The following USP14 variants were observed in gnomAD, a reference collection of about 807,000 sequenced individuals.
USP14 encodes ubiquitin carboxyl-terminal hydrolase 14.
In USP14, 38 loss-of-function variants were observed where a neutral mutation model predicts 76.5. The observed-to-expected ratio is 0.50, with a 90% confidence interval of 0.38 to 0.65. The LOEUF is 0.65. Ranked by LOEUF, USP14 falls within the 30% of genes least tolerant of loss-of-function variation. The probability of loss-of-function intolerance (pLI) is 0.00; values close to 1 mark genes in which losing one functional copy is unlikely to be tolerated. For missense variants in USP14, 467 were observed against 586.5 expected, an observed-to-expected ratio of 0.80 and a Z score of 2.10; for synonymous variants, 192 against 191.7, an observed-to-expected ratio of 1.00 and a Z score of -0.01.
intron 5 of USP14, among the ~76,000 whole-genome samples, chr18:186,638 A>G (rs1454719531): frequency 1.3e-5 from 2 of 151,666 alleles, no homozygotes; most frequent in African/African-American, 2.4e-5. Flanking sequence ...CTATAATCCC[A>G]GCTACTCGGG....
At chr18:164,303 A>G (rs1909206260) in intron 2 of USP14, among the ~76,000 whole-genome samples, 1 of 152,170 alleles carries the variant, frequency 6.6e-6, no homozygotes, top group Admixed American at 6.5e-5. Context: ...TGTTTTCTTA[A>G]AAAAACTACT....
intron 13 of USP14, 114 bp downstream of exon 13, chr18:204,806 A>T: frequency 8.7e-7 from 1 of 1,149,120 alleles, no homozygotes; most frequent in Non-Finnish European, 1.2e-6. Context: ...TATACTTTGT[A>T]TAGTATTATT....
chr18:171,019 AAAAAAAAT>A (rs1395629911), intron 3 of USP14, among the ~76,000 whole-genome samples: 7 of 75,254 alleles, frequency 9.3e-5, no homozygotes, highest in African/African-American at 3.2e-4. Flanking sequence ...TAAAAAAAAA[AAAAAAAAT>A]ATATATATAT....
In USP14 at chr18:165,871, TGAA is replaced by T. The variant is rs1394087830; in HGVS notation, c.163-914_163-912del. ...TAAAAGAGATAATTAGTGGCACCAA[TGAA>T]GGGTAGACAAGCATATTGGGTACCC... On this transcript the variant is annotated intron_variant, in intron 2 of 15. Transcript: ENST00000261601. Among the ~76,000 whole-genome samples, 5 of 152,228 alleles carry T rather than the reference TGAA, an allele frequency of 3.3e-5. No homozygotes were observed. In the East Asian group the frequency reaches 9.6e-4, roughly 29 times the overall value.
At chr18:185,787 TG>T (rs915524103) in intron 5 of USP14, among the ~76,000 whole-genome samples, 1 of 152,054 alleles carries the variant, frequency 6.6e-6, no homozygotes, top group Non-Finnish European at 1.5e-5. Context: ...CTTGACCTCT[TG>T]GGCTCAAGGA....
intron 1 of USP14, 153 bp downstream of exon 1, chr18:158,867 C>A (rs1316664579): frequency 3.0e-5 from 35 of 1,174,094 alleles, no homozygotes; most frequent in Admixed American, 1.3e-4. Context: ...CAGGCACCGT[C>A]CCCTCTCCCG....
At chr18:192,921 A>G (rs760942800) in intron 6 of USP14, 21 bp downstream of exon 6, 3 of 1,599,206 alleles carry the variant, frequency 1.9e-6, no homozygotes, top group South Asian at 1.1e-5. Context: ...TAAATATACT[A>G]CTTTTTGATA....
chr18:191,696 A>T (rs1235326871), intron 5 of USP14, among the ~76,000 whole-genome samples: 3 of 152,126 alleles, frequency 2.0e-5, no homozygotes, highest in Non-Finnish European at 2.9e-5. Context: ...GGCTTGTTTC[A>T]CTCAGTATCT....
At position 197,634 on chromosome 18, in the gene USP14, A is replaced by G; in HGVS notation, c.613A>G (p.Ile205Val). Reference protein sequence around the residue: ...YLQQDANECWIQMMRVLQQKL... With the variant: ...YLQQDANECWVQMMRVLQQKL... ...ATTACAGGATGCTAATGAATGTTGGATACAAATGATGCGAGTATTGCAACA... is the reference window on the plus strand; with the variant it reads ...ATTACAGGATGCTAATGAATGTTGGGTACAAATGATGCGAGTATTGCAACA... Residue 205 changes from isoleucine (I) to valine (V), a missense_variant, in exon 8 of 16, where the codon ATA becomes GTA. Ile to Val is a conservative substitution (Grantham distance 29, BLOSUM62 3). Coordinates refer to ENST00000261601, the MANE Select transcript of USP14 (RefSeq NM_005151.4). 6.2e-7 allele frequency: 1 copy of G among 1,612,208 alleles called. No individual in the cohort carries two copies. The highest frequency in any genetic ancestry group is 1.7e-5 in the Admixed American group (1 of 59,948).
Position 213,515 on chromosome 18 carries a change from G to C in USP14, c.*2231G>C, listed in dbSNP as rs1244204017. ...AGGTCTTTGAGAAGGGAGAGGAGTA[G>C]GCCAAAAAAAAAAAAGTCTTGATTC... On this transcript the variant is annotated 3_prime_UTR_variant, in exon 16 of 16. Transcript: ENST00000261601. 1 of 150,840 alleles carries C rather than the reference G, an allele frequency of 6.6e-6. No homozygotes were observed. The highest frequency in any genetic ancestry group is 1.5e-5 in the Non-Finnish European group (1 of 67,540). The allele number at this position is 150,840 out of a possible 1,614,324, so 9.3% of individuals were successfully genotyped here.
At chr18:188,916 T>TG (rs1910011224) in intron 5 of USP14, among the ~76,000 whole-genome samples, 1 of 152,188 alleles carries the variant, frequency 6.6e-6, no homozygotes, top group South Asian at 2.1e-4. Flanking sequence ...TGACCTCAGG[T>TG]GATCCCCCGG....
At chr18:183,929 C>A (rs563927083) in intron 5 of USP14, among the ~76,000 whole-genome samples, 162 of 152,174 alleles carry the variant, frequency 1.1e-3, no homozygotes, top group Admixed American at 2.1e-3. Flanking sequence ...CTGGCTAGCA[C>A]CCTTGGGAGT....
chr18:179,015 C>T lies in USP14; in HGVS notation c.278C>T (p.Thr93Ile). ...AAAACTGTCTTCGTAGAAGACATGA[C>T]AGAAGAACAGTTAGCATCTGCTGTA... ...SAKTVFVEDM[T>I]EEQLASAMEL... The change falls in exon 4 of 16, where the codon ACA becomes ATA. Residue 93 changes from threonine (T) to isoleucine (I), a missense_variant. Coordinates refer to ENST00000261601, the MANE Select transcript of USP14 (RefSeq NM_005151.4). The T allele has an allele frequency of 1.2e-6, 2 of 1,611,392 alleles. No homozygotes were observed. Among genetic ancestry groups the T allele is most frequent in the South Asian group, 1.1e-5 (1 of 90,572 alleles).
intron 5 of USP14, among the ~76,000 whole-genome samples, chr18:192,539 T>G (rs888624558): frequency 2.6e-5 from 4 of 152,040 alleles, no homozygotes; most frequent in Non-Finnish European, 4.4e-5. Flanking sequence ...CACTCCAACC[T>G]GGGCGACAAG....
At chr18:202,785 G>A (rs1910417652) in intron 10 of USP14, 95 bp from the exon 11 acceptor site, 1 of 1,172,576 alleles carries the variant, frequency 8.5e-7, no homozygotes, top group African/African-American at 1.5e-5. Context: ...CTCTTAGGTA[G>A]TGCTAGTTTT....
intron 2 of USP14, 148 bp from the exon 3 acceptor site, chr18:166,639 A>C: frequency 1.0e-6 from 1 of 993,336 alleles, no homozygotes; most frequent in South Asian, 2.2e-5. Context: ...GGCCAAAAAA[A>C]ATTTTTTTAA....
At chr18:201,370 T>C (rs1910379769) in intron 10 of USP14, among the ~76,000 whole-genome samples, 2 of 151,692 alleles carry the variant, frequency 1.3e-5, no homozygotes, top group South Asian at 4.2e-4. Flanking sequence ...AGGAGGTGGG[T>C]TGATAAACAC....
At chr18:174,628 A>G (rs1003276095) in intron 3 of USP14, among the ~76,000 whole-genome samples, 2 of 146,878 alleles carry the variant, frequency 1.4e-5, no homozygotes, top group Non-Finnish European at 3.0e-5. Flanking sequence ...TTTTTTTTTA[A>G]AGACGAGGTC....
intron 13 of USP14, among the ~76,000 whole-genome samples, chr18:205,571 C>T (rs554995102): frequency 1.3e-5 from 2 of 151,972 alleles, no homozygotes; most frequent in African/African-American, 4.8e-5. Context: ...GCCAGGAGTT[C>T]GAGACTGTCC....
Sources: allele counts gnomAD v4.1 joint callset (sites outside exome capture counted in the v4.1 genomes callset), GRCh38; gene constraint gnomAD v4.1.1; transcripts MANE v1.5; gene names NCBI Gene and HGNC (gene_info 2026-07-23, HGNC 2026-07-21).